USH2A: variants seen among roughly 807,000 people sequenced by gnomAD.
The protein encoded by USH2A is usherin.
A neutral mutation model predicts 538.9 loss-of-function variants in USH2A; 443 were observed. The observed-to-expected ratio is 0.82, with a 90% CI of 0.76 to 0.89. The LOEUF is 0.89. Ranked by LOEUF, USH2A falls within the 40% of genes least tolerant of loss-of-function variation. The probability of loss-of-function intolerance (pLI) is 0.00; values close to 1 mark genes in which losing one functional copy is unlikely to be tolerated. For synonymous variants in USH2A, 2,413 were observed against 2,273.5 expected (o/e 1.06, Z -1.75); for missense variants, 6,633 against 6,324.8 (o/e 1.05, Z -1.65).
intron 63 of USH2A, among the ~76,000 whole-genome samples, chr1:215,672,734 CA>C (rs1197356843): frequency 6.6e-6 from 1 of 152,060 alleles, no homozygotes; most frequent in African/African-American, 2.4e-5. Flanking sequence ...AAAACAAAAA[CA>C]AAAAACCACG....
At chr1:215,944,169 T>G (rs192383154) in intron 37 of USH2A, among the ~76,000 whole-genome samples, 4,885 of 152,286 alleles carry the variant, frequency 0.032, 123 homozygotes, top group South Asian at 0.083. Context: ...TTTGGCCAGC[T>G]GCCTATTTTT....
At position 215,625,636 on chromosome 1, in the gene USH2A, C is replaced by T; in HGVS notation, c.*145G>A. The T allele has an allele frequency of 1.3e-6, 1 of 779,778 alleles. No individual in the cohort carries two copies. The highest frequency in any genetic ancestry group is 2.2e-6 in the Non-Finnish European group (1 of 447,700). The allele number at this position is 779,778 out of a possible 1,614,324, so 48.3% of individuals were successfully genotyped here. A position where few individuals can be genotyped will look rare whatever the true frequency, so the allele number is the denominator to read the frequency against. On this transcript the variant is annotated 3_prime_UTR_variant, in exon 72 of 72. Coordinates refer to ENST00000307340, the MANE Select transcript of USH2A (RefSeq NM_206933.4). Reference sequence around the variant, plus strand: ...CTTAGACCTCTATTAGGAAGGAACACTTTCAAAAACAGTCATCATTTCTTT... The same window carrying T: ...CTTAGACCTCTATTAGGAAGGAACATTTTCAAAAACAGTCATCATTTCTTT...
chr1:215,948,659 T>C (rs1450904111), intron 37 of USH2A, among the ~76,000 whole-genome samples: 1 of 151,976 alleles, frequency 6.6e-6, no homozygotes, highest in African/African-American at 2.4e-5. Flanking sequence ...ACACCCACCC[T>C]CTTGATTTTT....
intron 47 of USH2A, among the ~76,000 whole-genome samples, chr1:215,828,281 A>G (rs1663211416): frequency 6.6e-6 from 1 of 152,080 alleles, no homozygotes; most frequent in Non-Finnish European, 1.5e-5. Flanking sequence ...GTGAGACCCC[A>G]ACTCTACAAA....
intron 11 of USH2A, among the ~76,000 whole-genome samples, chr1:216,266,176 T>A (rs1301518657): frequency 1.3e-5 from 2 of 151,982 alleles, no homozygotes; most frequent in African/African-American, 4.8e-5. Context: ...ATAATAGGTA[T>A]AAATATTATG....
chr1:216,066,929 C>T (rs1222813349), intron 30 of USH2A, among the ~76,000 whole-genome samples: 1 of 152,180 alleles, frequency 6.6e-6, no homozygotes, highest in African/African-American at 2.4e-5. Flanking sequence ...TATACAATGT[C>T]TTAAAAGCCT....
At chr1:216,226,816 C>T (rs773498) in intron 14 of USH2A, among the ~76,000 whole-genome samples, 84,874 of 151,962 alleles carry the variant, frequency 0.56, 25,214 homozygotes, top group East Asian at 0.76. Context: ...GGTCTTCATC[C>T]GGTCATGAGA....
chr1:216,186,371 T>A (rs975052062), intron 20 of USH2A, among the ~76,000 whole-genome samples: 1 of 151,884 alleles, frequency 6.6e-6, no homozygotes, highest in Admixed American at 6.6e-5. Context: ...TAGGTCACAT[T>A]TCTCTTGCTT....
chr1:216,298,401 CA>C (rs1267728421), intron 9 of USH2A, among the ~76,000 whole-genome samples: 3 of 152,172 alleles, frequency 2.0e-5, no homozygotes, highest in African/African-American at 7.2e-5. Flanking sequence ...TACTTAACGT[CA>C]GCCCAAAAGC....
intron 71 of USH2A, among the ~76,000 whole-genome samples, chr1:215,626,126 C>T (rs1656014939): frequency 6.6e-6 from 1 of 151,524 alleles, no homozygotes; most frequent in African/African-American, 2.4e-5. Context: ...CATATTTTAA[C>T]CTAAGCCTCA....
intron 34 of USH2A, among the ~76,000 whole-genome samples, chr1:215,993,954 T>G (rs547346633): frequency 6.6e-6 from 1 of 152,284 alleles, no homozygotes; most frequent in African/African-American, 2.4e-5. Context: ...TGTTTTAAAC[T>G]TACTGGACAA....
intron 47 of USH2A, among the ~76,000 whole-genome samples, chr1:215,836,728 T>C (rs1352337549): frequency 6.8e-6 from 1 of 146,026 alleles, no homozygotes; most frequent in African/African-American, 2.5e-5. Context: ...TGCTAATTTT[T>C]TGTATTTTTA....
chr1:216,168,920 C>T (rs983472788), intron 21 of USH2A, among the ~76,000 whole-genome samples: 1 of 152,080 alleles, frequency 6.6e-6, no homozygotes, highest in Non-Finnish European at 1.5e-5. Flanking sequence ...TTCCCAACCC[C>T]TTACCAGCCA....
rs1663593948 is a variant in USH2A at position 215,838,584 on chromosome 1, TG to T, written c.9259-482del. 2.0e-5 allele frequency among the ~76,000 whole-genome samples: 3 copies of T among 152,328 alleles called. No individual in the cohort carries two copies. In the East Asian group the frequency reaches 5.8e-4, roughly 29 times the overall value. ...TGAGGCCTAGAGAAGCCTTCCAATA[TG>T]GCTGAGGTATTTTATATCCATTTGT... is the stretch of plus-strand genomic sequence containing the variant. On this transcript the variant is annotated intron_variant, in intron 46 of 71. Coordinates refer to ENST00000307340, the MANE Select transcript of USH2A (RefSeq NM_206933.4).
intron 18 of USH2A, among the ~76,000 whole-genome samples, chr1:216,197,191 T>C (rs2034869355): frequency 6.6e-6 from 1 of 152,124 alleles, no homozygotes; most frequent in Non-Finnish European, 1.5e-5. Context: ...CCTAAAGCAT[T>C]CTAAATAACC....
intron 67 of USH2A, among the ~76,000 whole-genome samples, chr1:215,642,868 C>T (rs1171945276): frequency 6.6e-6 from 1 of 152,132 alleles, no homozygotes; most frequent in African/African-American, 2.4e-5. Context: ...TTACACCTCA[C>T]CTCTCTCTCC....
At chr1:215,774,769 A>G (rs980455132) in intron 55 of USH2A, among the ~76,000 whole-genome samples, 1 of 152,072 alleles carries the variant, frequency 6.6e-6, no homozygotes. Context: ...AGTACATTGG[A>G]ATATCTGGGA....
intron 3 of USH2A, among the ~76,000 whole-genome samples, chr1:216,365,760 T>C (rs1017206868): frequency 1.2e-4 from 19 of 152,078 alleles, no homozygotes; most frequent in African/African-American, 4.1e-4. Flanking sequence ...AAATGGTTAC[T>C]GTCACAACTG....
At chr1:216,212,467 A>G (rs913709601) in intron 15 of USH2A, among the ~76,000 whole-genome samples, 36 of 152,316 alleles carry the variant, frequency 2.4e-4, no homozygotes, top group African/African-American at 7.7e-4. Context: ...TGGTCTTTGC[A>G]TATGCCAGAC....
Sources: gnomAD v4.1 joint callset for allele counts (sites outside exome capture counted in the v4.1 genomes callset) on GRCh38, gnomAD v4.1.1 for gene constraint, MANE v1.5 for transcripts, NCBI Gene and HGNC (gene_info 2026-07-23, HGNC 2026-07-21) for gene names.